MPP7: variants seen among roughly 807,000 people sequenced by gnomAD.
MPP7 encodes MAGUK p55 subfamily member 7.
MPP7 carries 60 observed loss-of-function variants against 76.5 expected under a neutral mutation model. The observed-to-expected ratio is 0.78, with a 90% confidence interval of 0.64 to 0.97. MPP7 has a LOEUF of 0.97. MPP7 is among the 50% of genes least tolerant of loss of function. MPP7 has a pLI of 0.00. For missense variants in MPP7, 641 were observed against 694.0 expected (o/e 0.92, Z 0.86); for synonymous variants, 237 against 244.5 (o/e 0.97, Z 0.29).
At chr10:28,218,267 TG>T (rs902102958) in intron 2 of MPP7, among the ~76,000 whole-genome samples, 6 of 151,970 alleles carry the variant, frequency 3.9e-5, no homozygotes, top group African/African-American at 1.5e-4. Flanking sequence ...GAGAGGTGGT[TG>T]GGGGAGAACT....
chr10:28,199,123 A>G (rs1255473168), intron 3 of MPP7, among the ~76,000 whole-genome samples: 5 of 152,142 alleles, frequency 3.3e-5, no homozygotes, highest in Admixed American at 2.6e-4. Context: ...TTAAAAAACC[A>G]TCAGCTCTTA....
chr10:28,301,004 T>C (rs964178390), intron 1 of MPP7, among the ~76,000 whole-genome samples: 8 of 151,686 alleles, frequency 5.3e-5, no homozygotes, highest in Admixed American at 2.0e-4. Flanking sequence ...TTCATGTTCC[T>C]GATAACTAGT....
At chr10:28,220,789 A>G (rs1838476538) in intron 2 of MPP7, among the ~76,000 whole-genome samples, 1 of 152,126 alleles carries the variant, frequency 6.6e-6, no homozygotes, top group Admixed American at 6.6e-5. Flanking sequence ...AACAGAGATA[A>G]AGAATGAGTA....
chr10:28,281,643 C>G (rs888866283), intron 1 of MPP7, among the ~76,000 whole-genome samples: 1 of 152,082 alleles, frequency 6.6e-6, no homozygotes, highest in African/African-American at 2.4e-5. Flanking sequence ...TTAGCATTTA[C>G]TGACCTTTGG....
chr10:28,130,158 TC>T (rs1442694934), intron 6 of MPP7, among the ~76,000 whole-genome samples: 1 of 152,158 alleles, frequency 6.6e-6, no homozygotes, highest in Non-Finnish European at 1.5e-5. Flanking sequence ...TATTCTAATA[TC>T]TTTTAAATAT....
chr10:28,089,367 C>A (rs956158547), intron 12 of MPP7, among the ~76,000 whole-genome samples: 6 of 151,912 alleles, frequency 3.9e-5, no homozygotes, highest in South Asian at 2.1e-4. Flanking sequence ...GCATTGTGTT[C>A]AAAAATATTC....
At chr10:28,059,567 G>C in intron 14 of MPP7, 83 bp downstream of exon 14, 1 of 762,836 alleles carries the variant, frequency 1.3e-6, no homozygotes, top group Non-Finnish European at 2.2e-6. Context: ...ACTTCAAATG[G>C]AGAACTCTCA....
chr10:28,184,472 G>A (rs1409127097), intron 3 of MPP7, among the ~76,000 whole-genome samples: 1 of 149,316 alleles, frequency 6.7e-6, no homozygotes, highest in East Asian at 1.9e-4. Context: ...ACTTTGAGAG[G>A]CCGAGGTGGG....
At chr10:28,145,806 C>T (rs1407244901) in intron 5 of MPP7, among the ~76,000 whole-genome samples, 1 of 152,082 alleles carries the variant, frequency 6.6e-6, no homozygotes, top group Non-Finnish European at 1.5e-5. Flanking sequence ...AATTATCCAC[C>T]TAAAATATTT....
chr10:28,146,822 T>C (rs1447351441), intron 5 of MPP7, among the ~76,000 whole-genome samples: 5 of 152,258 alleles, frequency 3.3e-5, no homozygotes, highest in African/African-American at 1.2e-4. Flanking sequence ...CAGCGTCAAG[T>C]CCAAAATGTA....
chr10:28,325,112 T>C (rs1834399510), intron 2 of MPP7, among the ~76,000 whole-genome samples: 1 of 152,180 alleles, frequency 6.6e-6, no homozygotes, highest in African/African-American at 2.4e-5. Context: ...CAGGCTGGTC[T>C]TGAACTCCTG....
intron 13 of MPP7, among the ~76,000 whole-genome samples, chr10:28,066,321 T>G (rs1489466929): frequency 1.5e-4 from 23 of 152,230 alleles, no homozygotes. Flanking sequence ...ATGGATAATT[T>G]TTAAACATTT....
At chr10:28,266,931 T>C (rs191294776) in intron 1 of MPP7, among the ~76,000 whole-genome samples, 1 of 152,344 alleles carries the variant, frequency 6.6e-6, no homozygotes, top group African/African-American at 2.4e-5. Flanking sequence ...TGGTTAATAT[T>C]TAATCCAAGT....
rs192134888 is a variant in MPP7, at chr10:28,076,664, G to A, written c.1124-6812C>T. Among the ~76,000 whole-genome samples, 19 of 152,220 alleles carry A rather than the reference G, an allele frequency of 1.2e-4. No homozygotes were observed. In the East Asian group the frequency reaches 3.5e-3, roughly 28 times the overall value. ...GCACTTTGGGAGGCCAAGACAGGCG[G>A]ATCACCTGAGGTCAGGAGTTTGAGA... is the stretch of plus-strand genomic sequence containing the variant. On this transcript the variant is annotated intron_variant, in intron 12 of 16. Coordinates refer to ENST00000683449, the MANE Select transcript of MPP7 (RefSeq NM_001318170.2).
At chr10:28,156,893 A>G (rs1395127976) in intron 3 of MPP7, among the ~76,000 whole-genome samples, 1 of 152,200 alleles carries the variant, frequency 6.6e-6, no homozygotes, top group African/African-American at 2.4e-5. Context: ...AAAGTGTAAC[A>G]GTGAGGTGGA....
rs1840309991 is a variant in MPP7 at position 28,270,974 on chromosome 10, T to G, written c.-132+31887A>C. ...AGTAAGCTAAATAATTAGCTGGTGA[T>G]GTACACTGATCTAGACCCATAATAA... On this transcript the variant is annotated intron_variant, in intron 1 of 16. Transcript: ENST00000683449. Among the ~76,000 whole-genome samples the G allele has an allele frequency of 3.3e-5, 5 of 152,356 alleles. No individual in the cohort carries two copies. In the South Asian group the frequency reaches 1.0e-3, roughly 32 times the overall value.
intron 3 of MPP7, among the ~76,000 whole-genome samples, chr10:28,165,515 G>T (rs1362898328): frequency 7.3e-6 from 1 of 137,444 alleles, no homozygotes; most frequent in Non-Finnish European, 1.5e-5. Flanking sequence ...TATAGAGTGA[G>T]ACCTTGTCTC....
intron 3 of MPP7, among the ~76,000 whole-genome samples, chr10:28,199,481 G>T (rs1018899679): frequency 6.6e-6 from 1 of 152,028 alleles, no homozygotes; most frequent in Non-Finnish European, 1.5e-5. Context: ...TTGCACTGTA[G>T]CCAGATACCC....
intron 11 of MPP7, among the ~76,000 whole-genome samples, chr10:28,117,311 GT>G (rs1373096670): frequency 6.6e-6 from 1 of 152,006 alleles, no homozygotes; most frequent in Non-Finnish European, 1.5e-5. Context: ...AGTGGATAAA[GT>G]TTTTATCACT....
Sources: gnomAD v4.1 joint callset for allele counts (sites outside exome capture counted in the v4.1 genomes callset) on GRCh38, gnomAD v4.1.1 for gene constraint, MANE v1.5 for transcripts, NCBI Gene and HGNC (gene_info 2026-07-23, HGNC 2026-07-21) for gene names.